Variants in NTRK3 observed in about 807,000 individuals in gnomAD.
The protein encoded by NTRK3 is neurotrophic receptor tyrosine kinase 3, also known as NT-3 growth factor receptor.
Under a neutral mutation model 91.7 loss-of-function variants are expected in NTRK3, and 24 were observed. That is an observed-to-expected ratio of 0.26 (90% CI 0.19 to 0.37). The LOEUF (loss-of-function observed/expected upper bound fraction) is 0.37, where lower values mean the gene tolerates loss of function less well. Among genes scored for constraint, NTRK3 ranks in the 10% least tolerant of loss-of-function variants. The pLI is 1.00. For synonymous variants in NTRK3, 483 were observed against 404.0 expected, an observed-to-expected ratio of 1.20 and a Z score of -2.34; for missense variants, 880 against 1,068.9, an observed-to-expected ratio of 0.82 and a Z score of 2.46.
chr15:88,148,742 A>T (rs1272100188), intron 5 of NTRK3, among the ~76,000 whole-genome samples: 1 of 152,192 alleles, frequency 6.6e-6, no homozygotes, highest in African/African-American at 2.4e-5. Context: ...TCTAATTACC[A>T]TTTTAAAAAA....
chr15:88,066,389 C>T (rs113602268), intron 13 of NTRK3, among the ~76,000 whole-genome samples: 2 of 152,172 alleles, frequency 1.3e-5, no homozygotes, highest in Non-Finnish European at 2.9e-5. Context: ...TTGCAGATCC[C>T]CTTCCTACTC....
chr15:87,881,553 G>A (rs541253847), intron 17 of NTRK3, among the ~76,000 whole-genome samples: 4 of 152,044 alleles, frequency 2.6e-5, no homozygotes, highest in African/African-American at 9.6e-5. Flanking sequence ...CCGAGTAGCT[G>A]GGACTACAGG....
chr15:88,077,484 T>C (rs1468139788), intron 13 of NTRK3, among the ~76,000 whole-genome samples: 1 of 151,640 alleles, frequency 6.6e-6, no homozygotes, highest in Non-Finnish European at 1.5e-5. Flanking sequence ...AGTTTAAAAA[T>C]GGAAAGCCAC....
intron 14 of NTRK3, among the ~76,000 whole-genome samples, chr15:87,989,975 T>TC (rs1306562429): frequency 6.6e-6 from 1 of 152,184 alleles, no homozygotes; most frequent in Non-Finnish European, 1.5e-5. Context: ...CTTTGTTTTT[T>TC]CCCTTTTCCT....
At chr15:87,906,892 T>A (rs1464744980) in intron 17 of NTRK3, among the ~76,000 whole-genome samples, 1 of 152,126 alleles carries the variant, frequency 6.6e-6, no homozygotes, top group Non-Finnish European at 1.5e-5. Context: ...TTTTTTTATC[T>A]CCCTCAGTAA....
intron 13 of NTRK3, among the ~76,000 whole-genome samples, chr15:88,109,519 T>C (rs183378843): frequency 3.3e-5 from 5 of 152,288 alleles, no homozygotes; most frequent in East Asian, 3.9e-4. Flanking sequence ...CCAAGCACAG[T>C]GCCAGAGACG....
chr15:88,254,593 G>A (rs540085362), intron 3 of NTRK3, among the ~76,000 whole-genome samples: 8 of 152,292 alleles, frequency 5.3e-5, no homozygotes, highest in African/African-American at 1.7e-4. Flanking sequence ...CAAAGAGCAG[G>A]ACTGCAATTC....
intron 3 of NTRK3, among the ~76,000 whole-genome samples, chr15:88,210,299 T>C (rs2049131233): frequency 6.6e-6 from 1 of 152,076 alleles, no homozygotes; most frequent in Admixed American, 6.6e-5. Flanking sequence ...AGAGAAGCAA[T>C]TCGAAGAGCA....
At chr15:87,932,958 C>G (rs2068938051) in intron 16 of NTRK3, 54 bp downstream of exon 16, 5 of 1,603,170 alleles carry the variant, frequency 3.1e-6, no homozygotes, top group Non-Finnish European at 4.3e-6. Context: ...AGGGAAAACC[C>G]CAAGGGTTCG....
chr15:87,950,586 G>GGT (rs1473203884), intron 14 of NTRK3, among the ~76,000 whole-genome samples: 13 of 152,256 alleles, frequency 8.5e-5, no homozygotes, highest in African/African-American at 2.6e-4. Flanking sequence ...CACACTCAAG[G>GGT]ACACATCCTC....
intron 3 of NTRK3, among the ~76,000 whole-genome samples, chr15:88,197,710 C>T (rs1327055540): frequency 6.6e-6 from 1 of 152,188 alleles, no homozygotes; most frequent in Non-Finnish European, 1.5e-5. Flanking sequence ...TTTTGTGACT[C>T]TCATTCTTCC....
intron 16 of NTRK3, chr15:87,931,117 A>C: frequency 4.6e-6 from 2 of 433,736 alleles, no homozygotes; most frequent in South Asian, 3.4e-5. Flanking sequence ...CTAGGCTCTC[A>C]CTCTTTATTT....
intron 14 of NTRK3, among the ~76,000 whole-genome samples, chr15:88,008,900 T>G (rs954494203): frequency 6.6e-6 from 1 of 152,170 alleles, no homozygotes; most frequent in Non-Finnish European, 1.5e-5. Context: ...TAGCAGTAGC[T>G]CAGATGTCCC....
rs891883901 is a variant in NTRK3 at position 87,864,549 on chromosome 15, G to A, written c.*12386C>T. ...ATATAGTGAAATGAGCTTGTTCAAG[G>A]AAGGCTTTAACAGTACTGTGAAGGA... On this transcript the variant is annotated 3_prime_UTR_variant, in exon 19 of 19. Transcript: ENST00000394480. 1.3e-5 allele frequency: 3 copies of A among 229,058 alleles called. No homozygotes were observed. The Admixed American group carries it at 1.7e-4, about 13-fold the overall frequency. 14.2% of individuals were successfully genotyped at this position (229,058 alleles called of 1,614,324 possible). A position where few individuals can be genotyped will look rare whatever the true frequency, so the allele number is the denominator to read the frequency against.
intron 3 of NTRK3, 24 bp from the exon 4 acceptor site, chr15:88,184,323 C>T (rs371273074): frequency 8.7e-5 from 141 of 1,611,474 alleles, no homozygotes; most frequent in East Asian, 4.9e-4. Context: ...GGAAAGGTAA[C>T]GGTCAGCCAG....
chr15:88,008,120 T>C (rs553222620), intron 14 of NTRK3, among the ~76,000 whole-genome samples: 1 of 152,244 alleles, frequency 6.6e-6, no homozygotes, highest in Non-Finnish European at 1.5e-5. Context: ...TTAATTTGGG[T>C]TGGATCTCTC....
At chr15:88,080,106 T>A (rs538087539) in intron 13 of NTRK3, among the ~76,000 whole-genome samples, 80 of 152,372 alleles carry the variant, frequency 5.3e-4, no homozygotes, top group African/African-American at 1.8e-3. Flanking sequence ...AGATTTTGTA[T>A]TGTTGGACAT....
At chr15:88,153,167 C>G (rs2043550016) in intron 5 of NTRK3, among the ~76,000 whole-genome samples, 1 of 152,212 alleles carries the variant, frequency 6.6e-6, no homozygotes, top group Non-Finnish European at 1.5e-5. Context: ...ACAAAGACAG[C>G]ATTTTGAAAG....
chr15:88,200,921 T>C (rs986698588), intron 3 of NTRK3, among the ~76,000 whole-genome samples: 6 of 152,220 alleles, frequency 3.9e-5, no homozygotes, highest in Admixed American at 3.9e-4. Flanking sequence ...AAATCCCAGC[T>C]GCTCAGCTAG....
Sources: allele counts gnomAD v4.1 joint callset (sites outside exome capture counted in the v4.1 genomes callset), GRCh38; gene constraint gnomAD v4.1.1; transcripts MANE v1.5; gene names NCBI Gene and HGNC (gene_info 2026-07-23, HGNC 2026-07-21).